PTPRM: variants seen among roughly 807,000 people sequenced by gnomAD.
PTPRM encodes receptor-type tyrosine-protein phosphatase mu.
PTPRM carries 47 observed loss-of-function variants against 186.7 expected under a neutral mutation model. The ratio of observed to expected loss-of-function variants is 0.25; its 90% CI spans 0.20 to 0.32. The LOEUF (loss-of-function observed/expected upper bound fraction) is 0.32, where lower values mean the gene tolerates loss of function less well. Ranked by LOEUF, PTPRM falls within the 10% of genes least tolerant of loss-of-function variation. The pLI is 1.00. For missense variants in PTPRM, 1,494 were observed against 1,865.0 expected, an observed-to-expected ratio of 0.80 and a Z score of 3.66; for synonymous variants, 668 against 674.9, an observed-to-expected ratio of 0.99 and a Z score of 0.16.
chr18:8,033,946 G>A (rs562531879), intron 7 of PTPRM, among the ~76,000 whole-genome samples: 80 of 152,256 alleles, frequency 5.3e-4, no homozygotes, highest in Non-Finnish European at 9.8e-4. Context: ...CTAGCTTCTG[G>A]TGGTTCTTGC....
intron 7 of PTPRM, among the ~76,000 whole-genome samples, chr18:8,024,296 A>G (rs183456956): frequency 8.9e-4 from 135 of 151,980 alleles, no homozygotes; most frequent in Non-Finnish European, 1.8e-3. Context: ...CACATTTCTG[A>G]CAGCCATATC....
At chr18:8,157,666 C>T (rs2093150476) in intron 14 of PTPRM, among the ~76,000 whole-genome samples, 1 of 152,200 alleles carries the variant, frequency 6.6e-6, no homozygotes, top group Non-Finnish European at 1.5e-5. Flanking sequence ...CCTACTCAGT[C>T]AAGTGGAGAG....
chr18:8,215,906 G>A (rs915239635), intron 14 of PTPRM, among the ~76,000 whole-genome samples: 2 of 152,062 alleles, frequency 1.3e-5, no homozygotes, highest in South Asian at 2.1e-4. Context: ...ATGAAAGAAG[G>A]CTTGGAATAA....
At chr18:8,306,373 CA>C (rs1568711038) in intron 20 of PTPRM, among the ~76,000 whole-genome samples, 1 of 152,112 alleles carries the variant, frequency 6.6e-6, no homozygotes, top group East Asian at 1.9e-4. Context: ...GTTGTAGAGC[CA>C]GCATCAAATC....
chr18:7,620,799 G>A (rs1197730687), intron 1 of PTPRM, among the ~76,000 whole-genome samples: 1 of 152,122 alleles, frequency 6.6e-6, no homozygotes, highest in Admixed American at 6.5e-5. Flanking sequence ...ATACACTTCT[G>A]AGTGTGATTA....
intron 2 of PTPRM, among the ~76,000 whole-genome samples, chr18:7,797,702 G>C (rs891094884): frequency 6.6e-6 from 1 of 151,846 alleles, no homozygotes; most frequent in East Asian, 1.9e-4. Context: ...GTGCTGTGAT[G>C]ACAGCAGCAG....
At chr18:7,697,508 G>A (rs761344079) in intron 1 of PTPRM, among the ~76,000 whole-genome samples, 1 of 152,094 alleles carries the variant, frequency 6.6e-6, no homozygotes, top group East Asian at 1.9e-4. Flanking sequence ...TGTCCAGTAG[G>A]GCGATGAAAG....
intron 1 of PTPRM, among the ~76,000 whole-genome samples, chr18:7,757,319 T>C (rs745398584): frequency 6.6e-6 from 1 of 152,254 alleles, no homozygotes; most frequent in Non-Finnish European, 1.5e-5. Context: ...TCTCTTACTG[T>C]GCTAAGAGTG....
intron 1 of PTPRM, among the ~76,000 whole-genome samples, chr18:7,717,992 G>A (rs1485023566): frequency 6.6e-6 from 1 of 151,852 alleles, no homozygotes; most frequent in Non-Finnish European, 1.5e-5. Flanking sequence ...CCTGTTGAGA[G>A]TCTCATGAAG....
chr18:8,367,255 G>T (rs1199228332), intron 23 of PTPRM, among the ~76,000 whole-genome samples: 1 of 152,216 alleles, frequency 6.6e-6, no homozygotes, highest in East Asian at 1.9e-4. Flanking sequence ...GGGATATTCT[G>T]GGAGATGAGA....
chr18:7,588,395 T>TA (rs2037036205), intron 1 of PTPRM, among the ~76,000 whole-genome samples: 1 of 152,188 alleles, frequency 6.6e-6, no homozygotes. Flanking sequence ...AATACTAACT[T>TA]ATGAGGATTG....
intron 14 of PTPRM, among the ~76,000 whole-genome samples, chr18:8,163,309 A>G (rs772946551): frequency 1.7e-4 from 26 of 152,130 alleles, no homozygotes; most frequent in Non-Finnish European, 2.9e-4. Context: ...TTAACCTGGA[A>G]CTTTCAGGAT....
intron 22 of PTPRM, among the ~76,000 whole-genome samples, chr18:8,336,130 T>C (rs1310584186): frequency 6.6e-6 from 1 of 152,210 alleles, no homozygotes; most frequent in African/African-American, 2.4e-5. Context: ...ATGCTAAGTT[T>C]TACTCCTCAC....
At chr18:8,291,657 C>T (rs1240442715) in intron 19 of PTPRM, among the ~76,000 whole-genome samples, 4 of 152,092 alleles carry the variant, frequency 2.6e-5, no homozygotes, top group Non-Finnish European at 2.9e-5. Flanking sequence ...GAAAAATGCA[C>T]GGGTGAACAT....
intron 14 of PTPRM, among the ~76,000 whole-genome samples, chr18:8,234,974 G>A (rs11875881): frequency 0.028 from 4,209 of 152,012 alleles, 90 homozygotes; most frequent in East Asian, 0.055. Context: ...ATAAATTGTT[G>A]GATTCAATTT....
chr18:8,169,898 C>A (rs77173927), intron 14 of PTPRM, among the ~76,000 whole-genome samples: 1 of 152,116 alleles, frequency 6.6e-6, no homozygotes, highest in South Asian at 2.1e-4. Context: ...ATTCACTTTA[C>A]ACTCCTGTCT....
chr18:8,299,249 A>T (rs2095129779), intron 20 of PTPRM, among the ~76,000 whole-genome samples: 1 of 152,126 alleles, frequency 6.6e-6, no homozygotes. Context: ...GTATGTACTT[A>T]AAAGGGTCCA....
chr18:7,939,288 A>ATGCC (rs748710384), intron 5 of PTPRM, among the ~76,000 whole-genome samples: 1 of 150,782 alleles, frequency 6.6e-6, no homozygotes, highest in Non-Finnish European at 1.5e-5. Flanking sequence ...TCCCTGCCTG[A>ATGCC]TGCCTGCGTA....
intron 8 of PTPRM, among the ~76,000 whole-genome samples, chr18:8,072,603 T>C (rs894497437): frequency 4.6e-5 from 7 of 152,178 alleles, no homozygotes; most frequent in Non-Finnish European, 8.8e-5. Flanking sequence ...AGAAAAGAAT[T>C]GGGGAGTCAC....
Sources: allele counts gnomAD v4.1 joint callset (sites outside exome capture counted in the v4.1 genomes callset), GRCh38; gene constraint gnomAD v4.1.1; transcripts MANE v1.5; gene names NCBI Gene and HGNC (gene_info 2026-07-23, HGNC 2026-07-21).